Variants in HSDL2 observed in about 807,000 individuals in gnomAD.
HSDL2 encodes hydroxysteroid dehydrogenase-like protein 2.
HSDL2 carries 27 observed loss-of-function variants against 46.3 expected under a neutral mutation model. That is an observed-to-expected ratio of 0.58 (90% CI 0.43 to 0.80). The LOEUF (loss-of-function observed/expected upper bound fraction) is 0.80. Among genes scored for constraint, HSDL2 ranks in the 30% least tolerant of loss-of-function variants. The pLI, the probability that HSDL2 is intolerant of heterozygous loss-of-function variation, is 0.00. For synonymous variants in HSDL2, 153 were observed against 163.6 expected, an observed-to-expected ratio of 0.94 and a Z score of 0.50; for missense variants, 451 against 502.7, an observed-to-expected ratio of 0.90 and a Z score of 0.98.
chr9:112,405,216 G>A (rs950097411), intron 2 of HSDL2, among the ~76,000 whole-genome samples: 24 of 152,276 alleles, frequency 1.6e-4, no homozygotes, highest in South Asian at 1.2e-3. Flanking sequence ...GCCTGGCGTG[G>A]TGGTGCATGC....
At chr9:112,398,190 G>C (rs1270991900) in intron 1 of HSDL2, among the ~76,000 whole-genome samples, 1 of 152,014 alleles carries the variant, frequency 6.6e-6, no homozygotes, top group Non-Finnish European at 1.5e-5. Context: ...CAGAGTGGCA[G>C]GGGCATCCAC....
chr9:112,385,319 T>A (rs905584360), intron 1 of HSDL2, among the ~76,000 whole-genome samples: 1 of 152,094 alleles, frequency 6.6e-6, no homozygotes, highest in South Asian at 2.1e-4. Context: ...TAAAAGTTTT[T>A]AAGTTTTATT....
Position 112,470,457 on chromosome 9 carries a change from C to G in HSDL2, c.1170C>G (p.Phe390Leu), listed in dbSNP as rs541498292. 1.2e-6 allele frequency: 2 copies of G among 1,610,546 alleles called. No individual in the cohort carries two copies. Among genetic ancestry groups the G allele is most frequent in the Non-Finnish European group, 1.7e-6 (2 of 1,178,134 alleles). Residue 390 changes from phenylalanine to leucine, a missense_variant, in exon 11 of 11, where the codon TTC (phenylalanine) becomes TTG (leucine). Coordinates refer to ENST00000398805, the MANE Select transcript of HSDL2 (RefSeq NM_032303.5). The stretch of plus-strand genomic sequence containing the variant: ...GGAAACTAAAACCAACAATGGCATT[C>G]ATGTCAGGGAAATTGAAGATTAAAG... ...FSGKLKPTMA[F>L]MSGKLKIKGN...
chr9:112,398,357 C>T (rs1051653888), intron 1 of HSDL2, among the ~76,000 whole-genome samples: 11 of 151,746 alleles, frequency 7.2e-5, no homozygotes, highest in South Asian at 6.3e-4. Flanking sequence ...CAGATGGCTC[C>T]GGAAGCAAAG....
At chr9:112,461,696 A>C (rs1833215026) in intron 10 of HSDL2, among the ~76,000 whole-genome samples, 1 of 152,236 alleles carries the variant, frequency 6.6e-6, no homozygotes, top group South Asian at 2.1e-4. Context: ...GCTTTGAAGA[A>C]TTAAATAATA....
At chr9:112,470,348 T>G (rs1833538972) in intron 10 of HSDL2, 84 bp from the exon 11 acceptor site, 1 of 762,836 alleles carries the variant, frequency 1.3e-6, no homozygotes, top group East Asian at 2.6e-5. Flanking sequence ...TCAAGGAGAT[T>G]CTTTTTACAA....
chr9:112,430,780 G>A (rs376330041), intron 6 of HSDL2, among the ~76,000 whole-genome samples: 5 of 152,022 alleles, frequency 3.3e-5, no homozygotes, highest in Admixed American at 1.3e-4. Flanking sequence ...AGCCTGGTGC[G>A]GTGGCTCGCA....
intron 1 of HSDL2, among the ~76,000 whole-genome samples, chr9:112,403,786 G>A (rs1831660406): frequency 6.6e-6 from 1 of 152,132 alleles, no homozygotes; most frequent in African/African-American, 2.4e-5. Context: ...CAGCAAGACT[G>A]GCCAACTGCA....
intron 8 of HSDL2, among the ~76,000 whole-genome samples, chr9:112,444,727 G>A (rs774436576): frequency 1.1e-4 from 16 of 151,382 alleles, no homozygotes; most frequent in Non-Finnish European, 1.9e-4. Flanking sequence ...GAGAGAGTGA[G>A]ACCCCTGTCT....
intron 1 of HSDL2, among the ~76,000 whole-genome samples, chr9:112,392,332 T>G (rs556522595): frequency 2.2e-4 from 34 of 152,282 alleles, no homozygotes; most frequent in African/African-American, 7.9e-4. Context: ...GATAAACATC[T>G]TAAACAACAG....
chr9:112,383,825 C>T (rs12335731), intron 1 of HSDL2, among the ~76,000 whole-genome samples: 87,667 of 151,986 alleles, frequency 0.58, 25,976 homozygotes, highest in Non-Finnish European at 0.64. Flanking sequence ...GCTCATCTTC[C>T]CAATTAGGTG....
intron 1 of HSDL2, among the ~76,000 whole-genome samples, chr9:112,401,668 GA>G (rs1461852269): frequency 1.4e-5 from 2 of 146,946 alleles, no homozygotes; most frequent in African/African-American, 5.0e-5. Context: ...TAGGAATAAT[GA>G]AAAAACAAGG....
chr9:112,399,639 A>G (rs1831543736), intron 1 of HSDL2, among the ~76,000 whole-genome samples: 1 of 152,188 alleles, frequency 6.6e-6, no homozygotes, highest in African/African-American at 2.4e-5. Context: ...CCCCCCAGGA[A>G]TGCATTCCTT....
chr9:112,415,125 T>C (rs1248891926), intron 4 of HSDL2, among the ~76,000 whole-genome samples: 1 of 152,170 alleles, frequency 6.6e-6, no homozygotes, highest in Non-Finnish European at 1.5e-5. Flanking sequence ...TGAATCTGAA[T>C]CTTAAATAAA....
chr9:112,418,832 A>G (rs1213166952), intron 5 of HSDL2, 28 bp from the exon 6 acceptor site: 1 of 1,262,274 alleles, frequency 7.9e-7, no homozygotes, highest in Non-Finnish European at 1.1e-6. Context: ...TTTTATAATT[A>G]AATTATTATT....
In HSDL2 at chr9:112,380,147, T is replaced by A; in HGVS notation, c.-17T>A. 6.4e-7 allele frequency: 1 copy of A among 1,568,352 alleles called. No individual in the cohort carries two copies. Among genetic ancestry groups the A allele is most frequent in the Non-Finnish European group, 8.7e-7 (1 of 1,155,612 alleles). On this transcript the variant is annotated 5_prime_UTR_variant, in exon 1 of 11. Coordinates refer to ENST00000398805, the MANE Select transcript of HSDL2 (RefSeq NM_032303.5). Reference sequence around the variant, plus strand: ...CGCCGCCGCTGTCGCCGCCACCTCCTCTGATCTACGAAAGTCATGTTACCC... The same window carrying A: ...CGCCGCCGCTGTCGCCGCCACCTCCACTGATCTACGAAAGTCATGTTACCC...
At chr9:112,454,245 G>T in intron 9 of HSDL2, 83 bp downstream of exon 9, 1 of 1,098,136 alleles carries the variant, frequency 9.1e-7, no homozygotes, top group Non-Finnish European at 1.3e-6. Context: ...GTCCAACAGT[G>T]ATCCCCTGGA....
At chr9:112,458,808 C>T (rs940696760) in intron 9 of HSDL2, among the ~76,000 whole-genome samples, 3 of 151,350 alleles carry the variant, frequency 2.0e-5, no homozygotes, top group African/African-American at 4.9e-5. Context: ...GGTGAGACCC[C>T]GTCTCTACTA....
chr9:112,446,558 G>GGCTCA (rs1200914774), intron 8 of HSDL2, among the ~76,000 whole-genome samples: 1 of 152,202 alleles, frequency 6.6e-6, no homozygotes, highest in African/African-American at 2.4e-5. Flanking sequence ...TTGAGCCCAG[G>GGCTCA]AGTTCAAGCT....
Sources: gnomAD v4.1 joint callset for allele counts (sites outside exome capture counted in the v4.1 genomes callset) on GRCh38, gnomAD v4.1.1 for gene constraint, MANE v1.5 for transcripts, NCBI Gene and HGNC (gene_info 2026-07-23, HGNC 2026-07-21) for gene names.